The following CIB4 variants were observed in gnomAD, a reference collection of about 807,000 sequenced individuals.
The protein encoded by CIB4 is calcium and integrin binding family member 4.
In CIB4, 25 loss-of-function variants were observed where a neutral mutation model predicts 25.8. The observed-to-expected ratio is 0.97, with a 90% CI of 0.71 to 1.35. CIB4 has a LOEUF of 1.35. Ranked by LOEUF, CIB4 falls within the 40% of genes most tolerant of loss-of-function variation. The pLI is 0.00. For synonymous variants in CIB4, 75 were observed against 81.4 expected (o/e 0.92, Z 0.42); for missense variants, 235 against 228.2 (o/e 1.03, Z -0.19).
intron 2 of CIB4, among the ~76,000 whole-genome samples, chr2:26,632,465 G>A (rs1572573217): frequency 1.3e-5 from 2 of 152,248 alleles, no homozygotes; most frequent in East Asian, 3.9e-4. Flanking sequence ...CCTACAAGGG[G>A]CGAGGGGTAG....
Position 26,629,502 on chromosome 2 carries a change from G to A in CIB4, c.94C>T (p.His32Tyr). The change falls in exon 3 of 7, where the codon CAT (histidine) becomes TAT (tyrosine). Residue 32 changes from histidine to tyrosine, a missense_variant. Transcript: ENST00000288861. ...FLTRNEILCI[H>Y]DTFLKLCPPG... Reference sequence around the variant, plus strand: ...GGGCAGAGCTTCAGGAAGGTGTCATGGATGCTGAAAAGAGAGGCATGAAGA... The same window carrying A: ...GGGCAGAGCTTCAGGAAGGTGTCATAGATGCTGAAAAGAGAGGCATGAAGA... 6.4e-7 allele frequency: 1 copy of A among 1,567,384 alleles called. No homozygotes were observed. The highest frequency in any genetic ancestry group is 1.2e-5 in the South Asian group (1 of 85,176).
chr2:26,586,952 G>A (rs544502261), intron 4 of CIB4, among the ~76,000 whole-genome samples: 2 of 152,078 alleles, frequency 1.3e-5, no homozygotes, highest in African/African-American at 4.8e-5. Flanking sequence ...AGGATAAAGC[G>A]ACAAGACAGG....
intron 6 of CIB4, 43 bp from the exon 7 acceptor site, chr2:26,581,436 A>T: frequency 6.2e-7 from 1 of 1,606,990 alleles, no homozygotes. Context: ...CCGCAGGTCC[A>T]AGGGGCCCTC....
intron 3 of CIB4, chr2:26,605,516 G>A (rs1237977391): frequency 2.1e-6 from 1 of 471,172 alleles, no homozygotes; most frequent in Non-Finnish European, 4.4e-6. Flanking sequence ...GAACAGGGGA[G>A]TGGACGCCCT....
intron 2 of CIB4, among the ~76,000 whole-genome samples, chr2:26,638,401 G>A (rs1018940655): frequency 2.6e-5 from 4 of 152,152 alleles, no homozygotes; most frequent in Admixed American, 2.0e-4. Context: ...CTCTTTCTCC[G>A]AAGGCCAAGG....
intron 3 of CIB4, among the ~76,000 whole-genome samples, chr2:26,613,401 C>T (rs1669033523): frequency 6.6e-6 from 1 of 152,180 alleles, no homozygotes; most frequent in African/African-American, 2.4e-5. Context: ...AGCCACCTTC[C>T]CTCTAAGCCC....
chr2:26,598,622 G>A (rs1668725451), intron 3 of CIB4, among the ~76,000 whole-genome samples: 1 of 152,186 alleles, frequency 6.6e-6, no homozygotes, highest in Non-Finnish European at 1.5e-5. Flanking sequence ...TGGGTCCTGG[G>A]GACCCAGGAG....
At chr2:26,588,690 C>T (rs974981376) in intron 4 of CIB4, among the ~76,000 whole-genome samples, 1 of 152,232 alleles carries the variant, frequency 6.6e-6, no homozygotes, top group Non-Finnish European at 1.5e-5. Flanking sequence ...GCCACCTGCA[C>T]CTGCCGTGGC....
intron 4 of CIB4, among the ~76,000 whole-genome samples, chr2:26,587,111 C>T (rs755588651): frequency 1.3e-5 from 2 of 151,968 alleles, no homozygotes; most frequent in African/African-American, 4.8e-5. Flanking sequence ...TTGAGACCAT[C>T]CTGGCTAACA....
chr2:26,636,728 A>G (rs1669540017), intron 2 of CIB4, among the ~76,000 whole-genome samples: 2 of 152,150 alleles, frequency 1.3e-5, no homozygotes, highest in Non-Finnish European at 2.9e-5. Context: ...AAGTATTGTT[A>G]TCCTGCCCTG....
intron 3 of CIB4, among the ~76,000 whole-genome samples, chr2:26,618,895 G>T (rs770243516): frequency 6.6e-6 from 1 of 152,238 alleles, no homozygotes; most frequent in Non-Finnish European, 1.5e-5. Flanking sequence ...CTCTAGGAGG[G>T]ACTGTGCTTA....
At chr2:26,589,257 A>C (rs1399414087) in intron 4 of CIB4, among the ~76,000 whole-genome samples, 45 of 111,724 alleles carry the variant, frequency 4.0e-4, no homozygotes, top group Middle Eastern at 6.9e-3. Flanking sequence ...CCTTCCTCCT[A>C]TTCTCCTTCC....
intron 2 of CIB4, among the ~76,000 whole-genome samples, chr2:26,632,779 G>C (rs1193855493): frequency 1.3e-5 from 2 of 149,920 alleles, no homozygotes; most frequent in East Asian, 3.9e-4. Context: ...AAAAGAAAAA[G>C]AAAGAAAGGG....
In CIB4 at chr2:26,592,163, G is replaced by A. The variant is rs1406210522; in HGVS notation, c.328+3013C>T. On this transcript the variant is annotated intron_variant, in intron 4 of 6. Transcript: ENST00000288861. ...GTGGCATTTACATAGGTAAGTTTCT[G>A]TGGTTTGCAACCGAAAGACTCTTGG... 2.0e-5 allele frequency among the ~76,000 whole-genome samples: 3 copies of A among 152,234 alleles called. No individual in the cohort carries two copies. In the East Asian group the frequency reaches 5.8e-4, roughly 29 times the overall value.
At chr2:26,616,507 C>G (rs1369069879) in intron 3 of CIB4, among the ~76,000 whole-genome samples, 1 of 152,168 alleles carries the variant, frequency 6.6e-6, no homozygotes, top group Non-Finnish European at 1.5e-5. Flanking sequence ...AAAGGTGGGG[C>G]CTGGCTTGGG....
At chr2:26,606,529 C>T (rs986554371) in intron 3 of CIB4, among the ~76,000 whole-genome samples, 1 of 152,156 alleles carries the variant, frequency 6.6e-6, no homozygotes, top group African/African-American at 2.4e-5. Context: ...CTTTCCCTTC[C>T]AGGGAATAAA....
At chr2:26,620,766 G>A (rs1669189654) in intron 3 of CIB4, among the ~76,000 whole-genome samples, 1 of 152,172 alleles carries the variant, frequency 6.6e-6, no homozygotes, top group South Asian at 2.1e-4. Context: ...ATCTGAGGAA[G>A]GCTTCTGACG....
chr2:26,591,614 C>T (rs998628668), intron 4 of CIB4, among the ~76,000 whole-genome samples: 2 of 152,214 alleles, frequency 1.3e-5, no homozygotes, highest in South Asian at 2.1e-4. Context: ...CTCAGGCTTT[C>T]GTATAATCCC....
At chr2:26,633,543 C>T (rs1285752255) in intron 2 of CIB4, among the ~76,000 whole-genome samples, 2 of 152,110 alleles carry the variant, frequency 1.3e-5, no homozygotes, top group African/African-American at 4.8e-5. Flanking sequence ...TGGTGGGGTG[C>T]CTGCCTGGAG....
Sources: gnomAD v4.1 joint callset for allele counts (sites outside exome capture counted in the v4.1 genomes callset) on GRCh38, gnomAD v4.1.1 for gene constraint, MANE v1.5 for transcripts, NCBI Gene and HGNC (gene_info 2026-07-23, HGNC 2026-07-21) for gene names.